The following OVOL2 variants were observed in gnomAD, a reference collection of about 807,000 sequenced individuals.
OVOL2 encodes the protein ovo like zinc finger 2.
In OVOL2, 13 loss-of-function variants were observed where a neutral mutation model predicts 18.1. The ratio of observed to expected loss-of-function variants is 0.72; its 90% CI spans 0.47 to 1.14. The LOEUF (loss-of-function observed/expected upper bound fraction) is 1.14. Among genes scored for constraint, OVOL2 ranks in the 50% most tolerant of loss-of-function variants. OVOL2 has a pLI of 0.00. For synonymous variants in OVOL2, 166 were observed against 162.7 expected (o/e 1.02, Z -0.16); for missense variants, 335 against 383.0 (o/e 0.87, Z 1.05).
chr20:18,053,389 A>G (rs1297881187), intron 2 of OVOL2, among the ~76,000 whole-genome samples: 2 of 152,178 alleles, frequency 1.3e-5, no homozygotes, highest in African/African-American at 2.4e-5. Flanking sequence ...ATAATGATCC[A>G]TGAACACAGC....
intron 3 of OVOL2, among the ~76,000 whole-genome samples, chr20:18,039,273 T>A (rs1430471498): frequency 6.6e-6 from 1 of 152,130 alleles, no homozygotes; most frequent in Non-Finnish European, 1.5e-5. Context: ...GGTCGGCACT[T>A]AGGATCTGTG....
rs1568630412 is a variant in OVOL2 at position 18,026,582 on chromosome 20, CAT to C, written c.512-1632_512-1631del. Among the ~76,000 whole-genome samples, 5 of 152,112 alleles carry C rather than the reference CAT, an allele frequency of 3.3e-5. No individual in the cohort carries two copies. The East Asian group carries it at 9.6e-4, about 29-fold the overall frequency. On this transcript the variant is annotated intron_variant, in intron 3 of 3. Transcript: ENST00000278780. ...ATCTTTAGTAGAGACGGGGTTTCACCATGTTAGCCAGAATGGTCTCGATCTCC... is the reference window on the plus strand; with the variant it reads ...ATCTTTAGTAGAGACGGGGTTTCACCGTTAGCCAGAATGGTCTCGATCTCC...
chr20:18,031,156 G>C (rs543893217), intron 3 of OVOL2, among the ~76,000 whole-genome samples: 6 of 152,338 alleles, frequency 3.9e-5, no homozygotes, highest in African/African-American at 1.4e-4. Flanking sequence ...CCACACGACT[G>C]TGAGTCCAAG....
chr20:18,024,584 T>C lies in OVOL2; in HGVS notation c.*52A>G. On this transcript the variant is annotated 3_prime_UTR_variant, in exon 4 of 4. Transcript: ENST00000278780. Reference sequence around the variant, plus strand: ...GGTGGGGGAAGCTGAAAACCAAAAATCCACGTAGACATACGTGGCAGTGTG... The same window carrying C: ...GGTGGGGGAAGCTGAAAACCAAAAACCCACGTAGACATACGTGGCAGTGTG... The C allele has an allele frequency of 6.7e-7, 1 of 1,490,958 alleles. No homozygotes were observed. The highest frequency in any genetic ancestry group is 1.4e-5 in the African/African-American group (1 of 71,506). 92.4% of individuals were successfully genotyped at this position (1,490,958 alleles called of 1,614,324 possible). A position where few individuals can be genotyped will look rare whatever the true frequency, so the allele number is the denominator to read the frequency against.
At chr20:18,032,609 C>T (rs148680632) in intron 3 of OVOL2, among the ~76,000 whole-genome samples, 3 of 152,048 alleles carry the variant, frequency 2.0e-5, no homozygotes, top group East Asian at 3.9e-4. Context: ...CGAGTTCAAG[C>T]GATTCTCCTA....
At chr20:18,033,246 A>G (rs891616579) in intron 3 of OVOL2, among the ~76,000 whole-genome samples, 6 of 152,170 alleles carry the variant, frequency 3.9e-5, no homozygotes, top group Non-Finnish European at 7.4e-5. Context: ...ATGGAAGATA[A>G]GGACAGAAGG....
intron 3 of OVOL2, among the ~76,000 whole-genome samples, chr20:18,039,912 T>A (rs1333275092): frequency 1.3e-5 from 2 of 152,128 alleles, no homozygotes; most frequent in Non-Finnish European, 2.9e-5. Flanking sequence ...GCTCGGGGAC[T>A]ATAGATAGCA....
intron 2 of OVOL2, among the ~76,000 whole-genome samples, chr20:18,043,195 G>A (rs1275768011): frequency 6.6e-6 from 1 of 152,128 alleles, no homozygotes; most frequent in Non-Finnish European, 1.5e-5. Context: ...AGCCTGGTAT[G>A]TTATATTACA....
chr20:18,057,095 A>G lies in OVOL2; in HGVS notation c.101-218T>C, dbSNP rs900658063. Among the ~76,000 whole-genome samples the G allele has an allele frequency of 6.6e-6, 1 of 152,160 alleles. No individual in the cohort carries two copies. The highest frequency in any genetic ancestry group is 1.5e-5 in the Non-Finnish European group (1 of 68,018). On this transcript the variant is annotated intron_variant, in intron 1 of 3. Transcript: ENST00000278780. This position sits in a 1 kb window ranked among gnomAD's most constrained non-coding sequence, Gnocchi z 6.3. ...CTTTCCGGTCCCAGCCAAGGCGCCC[A>G]CGAGGAACCGGGCGGCCACGAGCGG... is the stretch of plus-strand genomic sequence containing the variant.
chr20:18,049,551 TC>T (rs11472784), intron 2 of OVOL2, among the ~76,000 whole-genome samples: 207 of 149,656 alleles, frequency 1.4e-3, no homozygotes, highest in Non-Finnish European at 2.2e-3. Flanking sequence ...GCATTCAGAT[TC>T]CCCCCCCGAT....
At chr20:18,038,995 G>T (rs1292645230) in intron 3 of OVOL2, among the ~76,000 whole-genome samples, 2 of 152,140 alleles carry the variant, frequency 1.3e-5, no homozygotes, top group African/African-American at 2.4e-5. Flanking sequence ...GACTCACAGA[G>T]GTCAAACTTT....
chr20:18,055,193 T>A (rs6045166), intron 2 of OVOL2, among the ~76,000 whole-genome samples: 99,597 of 151,846 alleles, frequency 0.66, 33,278 homozygotes, highest in African/African-American at 0.79. Flanking sequence ...GGCAGAAGAG[T>A]TTGCCTAAAA....
chr20:18,028,975 A>G (rs1483077374), intron 3 of OVOL2, among the ~76,000 whole-genome samples: 1 of 152,040 alleles, frequency 6.6e-6, no homozygotes, highest in Non-Finnish European at 1.5e-5. Context: ...CCTAACTCGC[A>G]AGTTTCTTGT....
In OVOL2 at chr20:18,041,725, TG is replaced by T; in HGVS notation, c.322-3del. 2 of 1,609,260 alleles carry T rather than the reference TG, an allele frequency of 1.2e-6. No individual in the cohort carries two copies. The highest frequency in any genetic ancestry group is 1.7e-6 in the Non-Finnish European group (2 of 1,176,910). On this transcript the variant is annotated splice_polypyrimidine_tract_variant and splice_region_variant and intron_variant, in intron 2 of 3. Coordinates refer to ENST00000278780, the MANE Select transcript of OVOL2 (RefSeq NM_021220.4). Reference sequence around the variant, plus strand: ...GTCGCTGCACGTGCCTGTGGTGAACTGGGGGCAGAGAGAGGCCATGAGGGTC... The same window carrying T: ...GTCGCTGCACGTGCCTGTGGTGAACTGGGGCAGAGAGAGGCCATGAGGGTC...
At chr20:18,041,447 T>G in intron 3 of OVOL2, 87 bp downstream of exon 3, 1 of 1,471,460 alleles carries the variant, frequency 6.8e-7, no homozygotes, top group Non-Finnish European at 9.3e-7. Context: ...TGTTCCACGG[T>G]CTCAACCTGG....
Position 18,024,821 on chromosome 20 carries a change from C to G in OVOL2, c.643G>C (p.Val215Leu). ...CCCGTGTAGCCGCAATCCTCGCAGA[C>G]GTAGAGCTTGTCCCGCCGCTGCTTA... ...AYKQRRDKLYVCEDCGYTGPT... is the reference protein window; with the variant it reads ...AYKQRRDKLYLCEDCGYTGPT... Residue 215 changes from valine to leucine, a missense_variant, in exon 4 of 4, where the codon GTC becomes CTC. By Grantham distance (32) the Val-to-Leu change is conservative. Coordinates refer to ENST00000278780, the MANE Select transcript of OVOL2 (RefSeq NM_021220.4). 6.2e-7 allele frequency: 1 copy of G among 1,614,162 alleles called. No homozygotes were observed. The highest frequency in any genetic ancestry group is 8.5e-7 in the Non-Finnish European group (1 of 1,180,038).
intron 2 of OVOL2, among the ~76,000 whole-genome samples, chr20:18,045,046 G>A (rs565313507): frequency 1.2e-4 from 19 of 152,226 alleles, no homozygotes; most frequent in South Asian, 4.1e-4. Flanking sequence ...GGCTGAGTTC[G>A]ATGACCCAGT....
At chr20:18,041,755 G>GGGCA in intron 2 of OVOL2, 32 bp from the exon 3 acceptor site, 6 of 1,589,874 alleles carry the variant, frequency 3.8e-6, no homozygotes, top group Non-Finnish European at 5.2e-6. Context: ...GAGGGTCCCC[G>GGGCA]GGCAGGCAGG....
In OVOL2 at chr20:18,056,794, C is replaced by CGCT. The variant is rs1241458196; in HGVS notation, c.181_183dup (p.Ser61dup). ...CTCTCTGCTCCTCCAGGCTCCCCCG[C>CGCT]GCTGCTGCTGCCGCTGCCGCTGCTG... On this transcript the variant is annotated inframe_insertion, in exon 2 of 4. Transcript: ENST00000278780. The surrounding 1 kb of genome is among the most constrained non-coding windows in gnomAD (Gnocchi z 4.2). The CGCT allele has an allele frequency of 6.7e-7, 1 of 1,497,148 alleles. No homozygotes were observed. Among genetic ancestry groups the CGCT allele is most frequent in the African/African-American group, 1.5e-5 (1 of 68,712 alleles). 92.7% of individuals were successfully genotyped at this position (1,497,148 alleles called of 1,614,324 possible).
Sources: gnomAD v4.1 joint callset for allele counts (sites outside exome capture counted in the v4.1 genomes callset) on GRCh38, gnomAD v4.1.1 for gene constraint, Gnocchi (gnomAD v3.1) non-coding constraint, MANE v1.5 for transcripts, NCBI Gene and HGNC (gene_info 2026-07-23, HGNC 2026-07-21) for gene names.